Variants in ITPKB observed in about 807,000 individuals in gnomAD.
The protein encoded by ITPKB is inositol-trisphosphate 3-kinase B.
A neutral mutation model predicts 69.4 loss-of-function variants in ITPKB; 13 were observed. The ratio of observed to expected loss-of-function variants is 0.19; its 90% CI spans 0.12 to 0.30. The LOEUF is 0.30. Ranked by LOEUF, ITPKB falls within the 10% of genes least tolerant of loss-of-function variation. ITPKB has a pLI of 1.00. For synonymous variants in ITPKB, 584 were observed against 513.7 expected, an observed-to-expected ratio of 1.14 and a Z score of -1.85; for missense variants, 1,240 against 1,250.5, an observed-to-expected ratio of 0.99 and a Z score of 0.13.
rs1225508421 is a variant in ITPKB at position 226,738,135 on chromosome 1, C to T, written c.-205-472G>A. 6.6e-6 allele frequency among the ~76,000 whole-genome samples: 1 copy of T among 152,176 alleles called. No homozygotes were observed. On this transcript the variant is annotated intron_variant, in intron 1 of 7. Coordinates refer to ENST00000429204, the MANE Select transcript of ITPKB (RefSeq NM_002221.4). The surrounding 1 kb of genome is among the most constrained non-coding windows in gnomAD (Gnocchi z 4.2). ...GGGCTTCAGGGTCTCCCTGCTCCAC[C>T]CTCTCGGGGCATCAGAGACCGACCG...
rs547660628 is a variant in ITPKB at position 226,683,078 on chromosome 1, G to A, written c.1933-34307C>T. ...CACCATGATGCTCTGAGGGAAGCCA[G>A]GCCCTAGAGGGGCAGCCAGCACTGC... On this transcript the variant is annotated intron_variant, in intron 2 of 7. Coordinates refer to ENST00000429204, the MANE Select transcript of ITPKB (RefSeq NM_002221.4). 5.9e-5 allele frequency among the ~76,000 whole-genome samples: 9 copies of A among 152,306 alleles called. 1 individual carries two copies. Among genetic ancestry groups the A allele is most frequent in the African/African-American group, 2.2e-4 (9 of 41,566 alleles).
intron 2 of ITPKB, among the ~76,000 whole-genome samples, chr1:226,731,147 G>C (rs1657578338): frequency 6.6e-6 from 1 of 152,148 alleles, no homozygotes; most frequent in Non-Finnish European, 1.5e-5. Context: ...TGATGTTTTG[G>C]CTCTGTGTGG....
At chr1:226,655,108 A>G (rs563638750) in intron 2 of ITPKB, among the ~76,000 whole-genome samples, 31 of 151,774 alleles carry the variant, frequency 2.0e-4, no homozygotes, top group Non-Finnish European at 3.1e-4. Context: ...CAGGAGGAAG[A>G]AGAGGGAGGA....
At chr1:226,690,532 CTA>C (rs1656324872) in intron 2 of ITPKB, among the ~76,000 whole-genome samples, 2 of 102,398 alleles carry the variant, frequency 2.0e-5, no homozygotes, top group Non-Finnish European at 4.4e-5. Context: ...CTCACTCCTC[CTA>C]CGTCAAGCAC....
intron 2 of ITPKB, among the ~76,000 whole-genome samples, chr1:226,706,183 C>T (rs931346016): frequency 5.9e-5 from 9 of 152,170 alleles, no homozygotes; most frequent in African/African-American, 2.2e-4. Flanking sequence ...AAAGGCAGTA[C>T]GAAATTTAGA....
chr1:226,646,908 C>G (rs1669074298), intron 4 of ITPKB, among the ~76,000 whole-genome samples: 1 of 152,222 alleles, frequency 6.6e-6, no homozygotes, highest in African/African-American at 2.4e-5. Flanking sequence ...CCAGCCGGTG[C>G]CCTTTTTCTG....
chr1:226,647,238 G>A lies in ITPKB; in HGVS notation c.2175C>T (p.Arg725=). The A allele has an allele frequency of 1.2e-6, 2 of 1,614,216 alleles. No individual in the cohort carries two copies. The highest frequency in any genetic ancestry group is 1.3e-5 in the African/African-American group (1 of 75,044). The change falls in exon 4 of 8, where the codon CGC becomes CGT. Residue 725 remains arginine (R), a synonymous_variant. Transcript: ENST00000429204. The part of the protein sequence containing the change: ...YHGDVVKDGE[R]YNQMDDLLAD... ...CCAGCAGGTCGTCCATCTGGTTGTA[G>A]CGCTCCCCGTCCTTCACCACATCCC...
intron 2 of ITPKB, chr1:226,669,019 T>A (rs891318923): frequency 1.3e-5 from 2 of 152,252 alleles, no homozygotes; most frequent in African/African-American, 4.8e-5. Context: ...TAGAAATGTT[T>A]AACTGTCTGA....
chr1:226,647,890 C>G (rs1283817767), intron 3 of ITPKB, among the ~76,000 whole-genome samples: 4 of 152,262 alleles, frequency 2.6e-5, no homozygotes, highest in Admixed American at 2.0e-4. Flanking sequence ...AGTATTCACA[C>G]AGGCTGTCCA....
At position 226,736,221 on chromosome 1, in the gene ITPKB, C is replaced by T; in HGVS notation, c.1238G>A (p.Arg413Lys). The change falls in exon 2 of 8, where the codon AGG becomes AAG. Residue 413 changes from arginine (R) to lysine (K), a missense_variant. Arg to Lys is a conservative substitution (Grantham distance 26). Around this residue, in one of 2 missense-constraint regions of ITPKB, gnomAD observed 992 missense variants for 853.8 expected, o/e 1.16. Transcript: ENST00000429204. Reference protein sequence around the residue: ...AESSDSLSWSRLPRALASVGP... With the variant: ...AESSDSLSWSKLPRALASVGP... ...TACGGAGGCCAGGGCCCTGGGCAGCCTGGACCAGCTCAGGGAATCAGAGGA... is the reference window on the plus strand; with the variant it reads ...TACGGAGGCCAGGGCCCTGGGCAGCTTGGACCAGCTCAGGGAATCAGAGGA... 6.5e-7 allele frequency: 1 copy of T among 1,538,404 alleles called. No individual in the cohort carries two copies. Among genetic ancestry groups the T allele is most frequent in the Non-Finnish European group, 8.7e-7 (1 of 1,145,396 alleles).
At chr1:226,646,013 T>C (rs1669055345) in intron 4 of ITPKB, among the ~76,000 whole-genome samples, 1 of 152,166 alleles carries the variant, frequency 6.6e-6, no homozygotes, top group African/African-American at 2.4e-5. Context: ...TTAGCTCTCT[T>C]CTCTCCTGGC....
rs556247229 is a variant in ITPKB at position 226,737,475 on chromosome 1, C to T, written c.-17G>A. 1 of 1,543,114 alleles carries T rather than the reference C, an allele frequency of 6.5e-7. No individual in the cohort carries two copies. The highest frequency in any genetic ancestry group is 8.7e-7 in the Non-Finnish European group (1 of 1,149,584). On this transcript the variant is annotated 5_prime_UTR_variant, in exon 2 of 8. Coordinates refer to ENST00000429204, the MANE Select transcript of ITPKB (RefSeq NM_002221.4). ...CACAGCCATAGTACTGGGTCCCGCGCTGCCCGCCGCCGCGGCTCCCGCTCC... is the reference window on the plus strand; with the variant it reads ...CACAGCCATAGTACTGGGTCCCGCGTTGCCCGCCGCCGCGGCTCCCGCTCC...
At chr1:226,661,681 A>C (rs1247091240) in intron 2 of ITPKB, among the ~76,000 whole-genome samples, 1 of 152,214 alleles carries the variant, frequency 6.6e-6, no homozygotes, top group East Asian at 1.9e-4. Context: ...GGTTAAATTA[A>C]ATTCTCTGTG....
At chr1:226,701,392 C>G (rs1656632915) in intron 2 of ITPKB, among the ~76,000 whole-genome samples, 1 of 151,876 alleles carries the variant, frequency 6.6e-6, no homozygotes, top group Admixed American at 6.6e-5. Flanking sequence ...ATCACGAGGT[C>G]AGGAGATCGA....
intron 2 of ITPKB, among the ~76,000 whole-genome samples, chr1:226,672,235 T>G (rs902029484): frequency 6.6e-6 from 1 of 152,186 alleles, no homozygotes; most frequent in African/African-American, 2.4e-5. Context: ...GTGACAGCGA[T>G]CACGTCTCAC....
chr1:226,703,968 A>G (rs1215501733), intron 2 of ITPKB, among the ~76,000 whole-genome samples: 1 of 152,196 alleles, frequency 6.6e-6, no homozygotes, highest in Non-Finnish European at 1.5e-5. Flanking sequence ...AATAAAAAAA[A>G]AATCTTCATT....
intron 2 of ITPKB, among the ~76,000 whole-genome samples, chr1:226,661,548 A>G (rs1331631280): frequency 6.6e-6 from 1 of 152,162 alleles, no homozygotes; most frequent in Non-Finnish European, 1.5e-5. Flanking sequence ...TAGCCAGATA[A>G]ACTGAGATTT....
At chr1:226,668,204 T>C (rs959612107) in intron 2 of ITPKB, among the ~76,000 whole-genome samples, 2 of 152,338 alleles carry the variant, frequency 1.3e-5, no homozygotes, top group South Asian at 2.1e-4. Flanking sequence ...TAATAATATA[T>C]GTAAGCTTCA....
intron 2 of ITPKB, among the ~76,000 whole-genome samples, chr1:226,708,360 A>G (rs1456530998): frequency 6.6e-6 from 1 of 152,218 alleles, no homozygotes; most frequent in Non-Finnish European, 1.5e-5. Flanking sequence ...TAACAGCTCA[A>G]GGGACCTAAC....
Sources: allele counts gnomAD v4.1 joint callset (sites outside exome capture counted in the v4.1 genomes callset), GRCh38; gene constraint gnomAD v4.1.1; regional missense constraint gnomAD v4.1.1; non-coding constraint Gnocchi (gnomAD v3.1); transcripts MANE v1.5; gene names NCBI Gene and HGNC (gene_info 2026-07-23, HGNC 2026-07-21).